Variants in SEMA6C observed in about 807,000 individuals in gnomAD.
SEMA6C encodes the protein semaphorin-6C.
SEMA6C carries 37 observed loss-of-function variants against 72.9 expected under a neutral mutation model. The ratio of observed to expected loss-of-function variants is 0.51; its 90% CI spans 0.39 to 0.67. SEMA6C has a LOEUF of 0.67. Among genes scored for constraint, SEMA6C ranks in the 30% least tolerant of loss-of-function variants. The pLI is 0.00. For missense variants in SEMA6C, 1,189 were observed against 1,263.6 expected (o/e 0.94, Z 0.89); for synonymous variants, 578 against 554.1 (o/e 1.04, Z -0.61).
Position 151,132,673 on chromosome 1 carries a change from G to T in SEMA6C, c.2604C>A (p.Pro868=), listed in dbSNP as rs1351402289. The part of the protein sequence containing the change: ...RAPPALLTRV[P]SGGPSRYSGG... ...CGGAGTACCTGGAGGGACCTCCCGA[G>T]GGGACTCGAGTGAGCAGGGCAGGGG... Residue 868 remains proline, a synonymous_variant, in exon 19 of 19, where the codon CCC becomes CCA. Transcript: ENST00000368914. 3 of 1,546,630 alleles carry T rather than the reference G, an allele frequency of 1.9e-6. No homozygotes were observed. The highest frequency in any genetic ancestry group is 1.4e-5 in the African/African-American group (1 of 72,832).
Position 151,136,020 on chromosome 1 carries a change from AGAGT to A in SEMA6C, c.1246_1249del (p.Thr416SerfsTer7). The A allele has an allele frequency of 1.2e-6, 2 of 1,614,108 alleles. No individual in the cohort carries two copies. The highest frequency in any genetic ancestry group is 1.7e-6 in the Non-Finnish European group (2 of 1,180,002). Reference sequence around the variant, plus strand: ...TTTTTCAGCCCCATACCTGCTAGTGAGAGTGAGTAGAGGCTGATGGGTGACAGGT... The same window carrying A: ...TTTTTCAGCCCCATACCTGCTAGTGAGAGTAGAGGCTGATGGGTGACAGGT... On this transcript the variant is annotated frameshift_variant, in exon 13 of 19. Transcript: ENST00000368914. LOFTEE classifies it high-confidence loss of function.
At chr1:151,136,317 C>T (rs587763089) in intron 12 of SEMA6C, 131 bp downstream of exon 12, 11 of 1,471,858 alleles carry the variant, frequency 7.5e-6, no homozygotes, top group Middle Eastern at 3.6e-4. Flanking sequence ...CGCAGCTCTT[C>T]GGCCCCACTG....
chr1:151,136,276 C>G, intron 12 of SEMA6C, 113 bp from the exon 13 acceptor site: 2 of 1,503,806 alleles, frequency 1.3e-6, no homozygotes, highest in Non-Finnish European at 1.8e-6. Context: ...CCCCTCCACA[C>G]AGACACTCGT....
intron 3 of SEMA6C, among the ~76,000 whole-genome samples, chr1:151,141,111 A>G (rs1682508411): frequency 6.6e-6 from 1 of 152,128 alleles, no homozygotes; most frequent in African/African-American, 2.4e-5. Context: ...CAGCTCCTCT[A>G]TCCTTAAAAT....
At position 151,132,841 on chromosome 1, in the gene SEMA6C, G is replaced by A. The variant is rs1681670329; in HGVS notation, c.2436C>T (p.His812=). The A allele has an allele frequency of 8.6e-6, 11 of 1,284,926 alleles. No individual in the cohort carries two copies. The highest frequency in any genetic ancestry group is 3.6e-5 in the East Asian group (1 of 27,934). The allele number at this position is 1,284,926 out of a possible 1,614,324, so 79.6% of individuals were successfully genotyped here. A position where few individuals can be genotyped will look rare whatever the true frequency, so the allele number is the denominator to read the frequency against. ...CCAGCCTCAGCGGCGAGGCGCACTCGTGGGGCCTGGGGCTGGGGCCGCCCA... is the reference window on the plus strand; with the variant it reads ...CCAGCCTCAGCGGCGAGGCGCACTCATGGGGCCTGGGGCTGGGGCCGCCCA... ...ALLGGPSPRP[H]ECASPLRLDV... is the part of the protein sequence containing the mutation. The change falls in exon 19 of 19, where the codon CAC becomes CAT. Residue 812 remains histidine (H), a synonymous_variant. Coordinates refer to ENST00000368914, the MANE Select transcript of SEMA6C (RefSeq NM_030913.6).
chr1:151,132,095 A>G lies in SEMA6C; in HGVS notation c.*389T>C. The stretch of plus-strand genomic sequence containing the variant: ...TATTGGGAAGCGGAGGCTCCTACAC[A>G]GTAGGAGAGGCACGTCCCAGACCCA... On this transcript the variant is annotated 3_prime_UTR_variant, in exon 19 of 19. Transcript: ENST00000368914. The G allele has an allele frequency of 1.3e-6, 1 of 749,550 alleles. No individual in the cohort carries two copies. Among genetic ancestry groups the G allele is most frequent in the Non-Finnish European group, 1.9e-6 (1 of 532,924 alleles). 46.4% of individuals were successfully genotyped at this position (749,550 alleles called of 1,614,324 possible).
At chr1:151,135,387 G>C in intron 14 of SEMA6C, 78 bp from the exon 15 acceptor site, 2 of 1,551,102 alleles carry the variant, frequency 1.3e-6, no homozygotes, top group South Asian at 1.2e-5. Flanking sequence ...AACAGAAAGC[G>C]GGGAGGCACA....
In SEMA6C at chr1:151,138,371, A is replaced by G. The variant is rs755934511; in HGVS notation, c.492T>C (p.Ser164=). The change falls in exon 8 of 19, where the codon AGT becomes AGC. Residue 164 remains serine (S), a synonymous_variant. Transcript: ENST00000368914. The stretch of plus-strand genomic sequence containing the variant: ...CATCAAAGGGGCATCGAGCCTGCCC[A>G]CTCAGTTCCTCACCCTCCTGCTGCA... The part of the protein sequence containing the change: ...TSLQQEGEEL[S]GQARCPFDAT... The G allele has an allele frequency of 6.2e-7, 1 of 1,613,924 alleles. No homozygotes were observed. Among genetic ancestry groups the G allele is most frequent in the South Asian group, 1.1e-5 (1 of 91,030 alleles).
Position 151,137,055 on chromosome 1 carries a change from G to T in SEMA6C, c.776C>A (p.Ala259Asp). The stretch of plus-strand genomic sequence containing the variant: ...GCCCATGTCACGTTTACATACTCGG[G>T]CTACGCGGGAGAACTGCACCTAGGG... The part of the protein sequence containing the change: ...RLGRVQFSRV[A>D]RVCKRDMGGS... The change falls in exon 11 of 19, where the codon GCC (alanine) becomes GAC (aspartate). Residue 259 changes from alanine (A) to aspartate (D), a missense_variant. Transcript: ENST00000368914. The T allele has an allele frequency of 1.9e-6, 3 of 1,613,510 alleles. No individual in the cohort carries two copies. Among genetic ancestry groups the T allele is most frequent in the Non-Finnish European group, 1.7e-6 (2 of 1,180,034 alleles).
In SEMA6C at chr1:151,135,686, A is replaced by G. The variant is rs1004029518; in HGVS notation, c.1338T>C (p.Asn446=). 1 of 1,614,178 alleles carries G rather than the reference A, an allele frequency of 6.2e-7. No individual in the cohort carries two copies. The highest frequency in any genetic ancestry group is 1.3e-5 in the African/African-American group (1 of 75,054). ...SNITVMFLGS[N]DGTVLKVLTP... ...TCAGCACCTTCAGCACTGTCCCATC[A>G]TTGGAGCCAAGGAACATGACTGTGA... Residue 446 remains asparagine (N), a synonymous_variant, in exon 14 of 19, where the codon AAT becomes AAC. Coordinates refer to ENST00000368914, the MANE Select transcript of SEMA6C (RefSeq NM_030913.6).
chr1:151,132,106 C>G lies in SEMA6C; in HGVS notation c.*378G>C. The G allele has an allele frequency of 1.1e-6, 1 of 891,662 alleles. No individual in the cohort carries two copies. The highest frequency in any genetic ancestry group is 1.5e-6 in the Non-Finnish European group (1 of 658,100). The allele number at this position is 891,662 out of a possible 1,614,324, so 55.2% of individuals were successfully genotyped here. A position where few individuals can be genotyped will look rare whatever the true frequency, so the allele number is the denominator to read the frequency against. ...GGAGGCTCCTACACAGTAGGAGAGGCACGTCCCAGACCCAGAAGGCCCGAG... is the reference window on the plus strand; with the variant it reads ...GGAGGCTCCTACACAGTAGGAGAGGGACGTCCCAGACCCAGAAGGCCCGAG... On this transcript the variant is annotated 3_prime_UTR_variant, in exon 19 of 19. Transcript: ENST00000368914.
intron 18 of SEMA6C, chr1:151,134,131 C>A: frequency 6.2e-6 from 7 of 1,125,406 alleles, no homozygotes; most frequent in Non-Finnish European, 8.7e-6. Flanking sequence ...GGTCCTTCCT[C>A]CCTCCTGTGG....
rs1207220330 is a variant in SEMA6C at position 151,142,637 on chromosome 1, T to G, written c.-16A>C. On this transcript the variant is annotated 5_prime_UTR_variant, in exon 3 of 19. It removes the in-frame stop codon of an upstream open reading frame in the 5' UTR. Coordinates refer to ENST00000368914, the MANE Select transcript of SEMA6C (RefSeq NM_030913.6). ...CACGGGGCATCCTGTGCGGGGCAGCTCAGGCCCCAGGGGGTGCCCCCTCAC... is the reference window on the plus strand; with the variant it reads ...CACGGGGCATCCTGTGCGGGGCAGCGCAGGCCCCAGGGGGTGCCCCCTCAC... 6.5e-7 allele frequency: 1 copy of G among 1,527,678 alleles called. No individual in the cohort carries two copies. The highest frequency in any genetic ancestry group is 8.8e-7 in the Non-Finnish European group (1 of 1,141,148). 94.6% of individuals were successfully genotyped at this position (1,527,678 alleles called of 1,614,324 possible).
At position 151,132,867 on chromosome 1, in the gene SEMA6C, AGAGGGC is replaced by A. The variant is rs1324594711; in HGVS notation, c.2404_2409del (p.Ala802_Leu803del). ...TGGGGCCTGGGGCTGGGGCCGCCCAAGAGGGCGGGGGCGGGCTCCGGCGGGAGCGCC... is the reference window on the plus strand; with the variant it reads ...TGGGGCCTGGGGCTGGGGCCGCCCAAGGGGGCGGGCTCCGGCGGGAGCGCC... On this transcript the variant is annotated inframe_deletion, in exon 19 of 19. Transcript: ENST00000368914. 4 of 1,277,974 alleles carry A rather than the reference AGAGGGC, an allele frequency of 3.1e-6. No individual in the cohort carries two copies. The highest frequency in any genetic ancestry group is 4.0e-6 in the Non-Finnish European group (4 of 1,012,040). The allele number at this position is 1,277,974 out of a possible 1,614,324, so 79.2% of individuals were successfully genotyped here. A position where few individuals can be genotyped will look rare whatever the true frequency, so the allele number is the denominator to read the frequency against.
chr1:151,135,541 C>A, intron 14 of SEMA6C, 50 bp downstream of exon 14: 1 of 1,569,366 alleles, frequency 6.4e-7, no homozygotes, highest in Non-Finnish European at 8.6e-7. Context: ...CAGCTGCTAC[C>A]TCCCATCCCC....
Position 151,134,441 on chromosome 1 carries a change from T to C in SEMA6C, c.1719A>G (p.Gly573=). 1 of 1,602,162 alleles carries C rather than the reference T, an allele frequency of 6.2e-7. No individual in the cohort carries two copies. The highest frequency in any genetic ancestry group is 1.7e-5 in the Admixed American group (1 of 58,040). Residue 573 remains glycine, a synonymous_variant, in exon 18 of 19, where the codon GGA becomes GGG. Transcript: ENST00000368914. ...ESMEHGDCQD[G]ATGSQSGPGD... is the part of the protein sequence containing the mutation. ...CAGGGCCAGACTGACTCCCAGTAGC[T>C]CCATCTATGAAGAAGGGACAGGGTG...
chr1:151,135,804 G>C, intron 13 of SEMA6C, 40 bp from the exon 14 acceptor site: 1 of 1,604,748 alleles, frequency 6.2e-7, no homozygotes, highest in East Asian at 2.2e-5. Flanking sequence ...CTGTCTAGTG[G>C]AAACCTGAGC....
chr1:151,133,481 C>G lies in SEMA6C; in HGVS notation c.1796G>C (p.Arg599Pro). ...CAGGAGGAGTGGGATGGGGACGGAG[C>G]GGGAGGCCGAGGCTGGGGGCAGGTC... ...RRDLPPASAS[R>P]SVPIPLLLAS... is the part of the protein sequence containing the mutation. Residue 599 changes from arginine (R) to proline (P), a missense_variant, in exon 19 of 19, where the codon CGC becomes CCC. By Grantham distance (103) the Arg-to-Pro change is moderately radical. Transcript: ENST00000368914. This position sits in a 1 kb window ranked among gnomAD's most constrained non-coding sequence, Gnocchi z 5.9. The G allele has an allele frequency of 3.2e-6, 5 of 1,540,136 alleles. No individual in the cohort carries two copies. The highest frequency in any genetic ancestry group is 4.4e-6 in the Non-Finnish European group (5 of 1,148,114).
Position 151,142,584 on chromosome 1 carries a change from A to T in SEMA6C, c.38T>A (p.Leu13Gln), listed in dbSNP as rs902614252. The change falls in exon 3 of 19, where the codon CTG becomes CAG. Residue 13 changes from leucine (L) to glutamine (Q), a missense_variant. By Grantham distance (113) the Leu-to-Gln change is moderately radical. Transcript: ENST00000368914. ...RAPHFMPLLL[L>Q]LLLLSLPHTQ... is the part of the protein sequence containing the mutation. ...ATGGGGAAGTGAGAGCAGCAGCAGC[A>T]GTAGCAGCAAGGGCATGAAGTGGGG... The T allele has an allele frequency of 3.1e-6, 5 of 1,605,586 alleles. No individual in the cohort carries two copies. The highest frequency in any genetic ancestry group is 4.3e-6 in the Non-Finnish European group (5 of 1,175,714).
Sources: allele counts gnomAD v4.1 joint callset (sites outside exome capture counted in the v4.1 genomes callset), GRCh38; gene constraint gnomAD v4.1.1; non-coding constraint Gnocchi (gnomAD v3.1); transcripts MANE v1.5; gene names NCBI Gene and HGNC (gene_info 2026-07-23, HGNC 2026-07-21).